Variants in KRT3 observed in about 807,000 individuals in gnomAD.
KRT3 encodes keratin, type II cytoskeletal 3.
Under a neutral mutation model 45.8 loss-of-function variants are expected in KRT3, and 34 were observed. That is an observed-to-expected ratio of 0.74 (90% CI 0.57 to 0.99). KRT3 has a LOEUF of 0.99. Ranked by LOEUF, KRT3 falls within the 50% of genes least tolerant of loss-of-function variation. KRT3 has a pLI of 0.00. For missense variants in KRT3, 828 were observed against 820.6 expected, an observed-to-expected ratio of 1.01 and a Z score of -0.11; for synonymous variants, 367 against 329.0, an observed-to-expected ratio of 1.12 and a Z score of -1.25.
In KRT3 at chr12:52,795,398, C is replaced by T. The variant is rs187803154; in HGVS notation, c.645G>A (p.Lys215=). The change falls in exon 1 of 9, where the codon AAG becomes AAA. Residue 215 remains lysine, a splice_region_variant and synonymous_variant. Coordinates refer to ENST00000417996, the MANE Select transcript of KRT3 (RefSeq NM_057088.3). ...LNNKFASFID[K]VRFLEQQNKV... ...GGATGACCAGTCAAAGCTTCATTAC[C>T]TTGTCAATGAAGGAGGCAAACTTGT... 4.3e-5 allele frequency: 70 copies of T among 1,614,194 alleles called. 1 individual carries two copies. In the East Asian group the frequency reaches 5.8e-4, roughly 13 times the overall value.
intron 1 of KRT3, among the ~76,000 whole-genome samples, 185 bp downstream of exon 1, chr12:52,795,213 C>T (rs569359490): frequency 1.3e-5 from 2 of 152,290 alleles, no homozygotes; most frequent in Admixed American, 6.5e-5. Context: ...TTTCTTTCTA[C>T]ACCTCCCCTC....
chr12:52,790,463 G>T, intron 8 of KRT3, 105 bp from the exon 9 acceptor site: 1 of 1,141,158 alleles, frequency 8.8e-7, no homozygotes. Context: ...GCTGATCAAG[G>T]CAGCTTTGCA....
chr12:52,791,072 G>A (rs970146644), intron 7 of KRT3, 134 bp downstream of exon 7: 5 of 1,421,478 alleles, frequency 3.5e-6, no homozygotes, highest in Admixed American at 3.8e-5. Flanking sequence ...GGAGTGGGCT[G>A]GTAGAGGCAA....
chr12:52,795,613 C>A lies in KRT3; in HGVS notation c.430G>T (p.Gly144Cys). 3 of 1,591,340 alleles carry A rather than the reference C, an allele frequency of 1.9e-6. No homozygotes were observed. The highest frequency in any genetic ancestry group is 2.6e-6 in the Non-Finnish European group (3 of 1,169,264). ...GGCCCACCAAAGCCACCAGACCCACCAAAGCCACCAGGACCACCAAAGCCA... is the reference window on the plus strand; with the variant it reads ...GGCCCACCAAAGCCACCAGACCCACAAAAGCCACCAGGACCACCAAAGCCA... The part of the protein sequence containing the change: ...AGGFGGPGGF[G>C]GSGGFGGPGS... Residue 144 changes from glycine (G) to cysteine (C), a missense_variant, in exon 1 of 9, where the codon GGT becomes TGT. Physicochemically the swap from Gly to Cys is radical, Grantham distance 159. Transcript: ENST00000417996.
In KRT3 at chr12:52,795,694, C is replaced by T; in HGVS notation, c.349G>A (p.Gly117Ser). 1.2e-6 allele frequency: 2 copies of T among 1,611,532 alleles called. No homozygotes were observed. The highest frequency in any genetic ancestry group is 1.7e-6 in the Non-Finnish European group (2 of 1,179,344). Reference sequence around the variant, plus strand: ...AAGCCACCAGCTCCACCAAAGCCACCTCCCATTCCTCTGCCACCACCAAAG... The same window carrying T: ...AAGCCACCAGCTCCACCAAAGCCACTTCCCATTCCTCTGCCACCACCAAAG... ...GGFGGGRGMG[G>S]GFGGAGGFGG... The change falls in exon 1 of 9, where the codon GGT becomes AGT. Residue 117 changes from glycine (G) to serine (S), a missense_variant. Transcript: ENST00000417996.
In KRT3 at chr12:52,790,299, C is replaced by T. The variant is rs184297044; in HGVS notation, c.1630G>A (p.Gly544Arg). 69 of 1,567,052 alleles carry T rather than the reference C, an allele frequency of 4.4e-5. No homozygotes were observed. The Admixed American group carries it at 8.8e-4, about 20-fold the overall frequency. The change falls in exon 9 of 9, where the codon GGA becomes AGA. Residue 544 changes from glycine to arginine, a missense_variant. Coordinates refer to ENST00000417996, the MANE Select transcript of KRT3 (RefSeq NM_057088.3). ...SAGGYGGGYG[G>R]GMGGGLGGGF... is the part of the protein sequence containing the mutation. Reference sequence around the variant, plus strand: ...CCTCCTAAACCACCGCCCATGCCTCCGCCGTAACCTCCTCCATAGCCACCT... The same window carrying T: ...CCTCCTAAACCACCGCCCATGCCTCTGCCGTAACCTCCTCCATAGCCACCT...
rs745776578 is a variant in KRT3 at position 52,794,179 on chromosome 12, G to T, written c.798C>A (p.Leu266=). The T allele has an allele frequency of 6.2e-7, 1 of 1,614,168 alleles. No individual in the cohort carries two copies. Among genetic ancestry groups the T allele is most frequent in the East Asian group, 2.2e-5 (1 of 44,882 alleles). The change falls in exon 2 of 9, where the codon CTC becomes CTA. Residue 266 remains leucine, a synonymous_variant. Coordinates refer to ENST00000417996, the MANE Select transcript of KRT3 (RefSeq NM_057088.3). The part of the protein sequence containing the change: ...NYLRSYLDNI[L]GERGRLDSEL... ...CAGAGTCCAGGCGCCCTCTCTCCCC[G>T]AGGATGTTGTCCAGGTAGCTCCGCA...
At chr12:52,793,338 T>G in intron 2 of KRT3, 115 bp from the exon 3 acceptor site, 2 of 690,436 alleles carry the variant, frequency 2.9e-6, no homozygotes, top group African/African-American at 3.5e-5. Context: ...ATCCTGCCCC[T>G]CTCAGATGAG....
rs763264652 is a variant in KRT3 at position 52,791,809 on chromosome 12, TCCC to T, written c.1193_1195del (p.Gly398del). On this transcript the variant is annotated inframe_deletion, in exon 6 of 9. Transcript: ENST00000417996. The stretch of plus-strand genomic sequence containing the variant: ...ATGCCTGCCAGCCGTGGTCTGCAGC[TCCC>T]CCAACTGCAGAACAGAAGGGAAGAT... The T allele has an allele frequency of 8.7e-6, 14 of 1,613,886 alleles. No individual in the cohort carries two copies. Among genetic ancestry groups the T allele is most frequent in the Non-Finnish European group, 1.2e-5 (14 of 1,179,868 alleles).
chr12:52,791,580 T>C, intron 6 of KRT3, 111 bp downstream of exon 6: 1 of 1,503,340 alleles, frequency 6.7e-7, no homozygotes, highest in South Asian at 1.2e-5. Flanking sequence ...GCCCTGTGGG[T>C]CAGCCAGCCT....
In KRT3 at chr12:52,791,189, C is replaced by G. The variant is rs778426188; in HGVS notation, c.1535+17G>C. The G allele has an allele frequency of 6.2e-7, 1 of 1,614,056 alleles. No individual in the cohort carries two copies. The highest frequency in any genetic ancestry group is 8.5e-7 in the Non-Finnish European group (1 of 1,180,024). On this transcript the variant is annotated intron_variant, in intron 7 of 8. Coordinates refer to ENST00000417996, the MANE Select transcript of KRT3 (RefSeq NM_057088.3). The stretch of plus-strand genomic sequence containing the variant: ...ACTTGAGCCAGGGGGTGTGGGAAGA[C>G]GGGACTGGAGGCTCACCTGTACTCC...
At chr12:52,791,530 C>T (rs906155516) in intron 6 of KRT3, 104 bp from the exon 7 acceptor site, 14 of 1,435,892 alleles carry the variant, frequency 9.8e-6, no homozygotes, top group Non-Finnish European at 1.3e-5. Context: ...CATTCCTCCT[C>T]CCCTAGTGCC....
Position 52,795,799 on chromosome 12 carries a change from C to G in KRT3, c.244G>C (p.Gly82Arg). The change falls in exon 1 of 9, where the codon GGA becomes CGA. Residue 82 changes from glycine (G) to arginine (R), a missense_variant. Transcript: ENST00000417996. Reference protein sequence around the residue: ...AGGSRAGGFGGGRSSCAFAGG... With the variant: ...AGGSRAGGFGRGRSSCAFAGG... Reference sequence around the variant, plus strand: ...GCAAAGGCACAGCTGCTCCGCCCTCCCCCAAAGCCTCCAGCCCGGGAGCCG... The same window carrying G: ...GCAAAGGCACAGCTGCTCCGCCCTCGCCCAAAGCCTCCAGCCCGGGAGCCG... The G allele has an allele frequency of 6.2e-7, 1 of 1,614,052 alleles. No individual in the cohort carries two copies.
intron 5 of KRT3, among the ~76,000 whole-genome samples, chr12:52,792,017 G>A (rs1044429045): frequency 6.6e-6 from 1 of 152,190 alleles, no homozygotes; most frequent in Non-Finnish European, 1.5e-5. Flanking sequence ...TTCCTACCCT[G>A]TAGTTCCTGA....
At chr12:52,791,659 A>T in intron 6 of KRT3, 32 bp downstream of exon 6, 2 of 1,613,710 alleles carry the variant, frequency 1.2e-6, no homozygotes, top group Non-Finnish European at 1.7e-6. Context: ...CTCAGCAATC[A>T]TCCCAGGTGC....
At position 52,791,548 on chromosome 12, in the gene KRT3, T is replaced by C. The variant is rs566845979; in HGVS notation, c.1315-122A>G. 37 of 1,428,812 alleles carry C rather than the reference T, an allele frequency of 2.6e-5. 1 individual carries two copies. The South Asian group carries it at 4.8e-4, about 18-fold the overall frequency. 88.5% of individuals were successfully genotyped at this position (1,428,812 alleles called of 1,614,324 possible). ...TCCTCCTCCCCTAGTGCCTCCATCT[T>C]GTCTCCATTTGTGGAGATACTGCCC... On this transcript the variant is annotated intron_variant, in intron 6 of 8. Transcript: ENST00000417996.
chr12:52,790,276 T>A lies in KRT3; in HGVS notation c.1653A>T (p.Gly551=). 3 of 1,553,744 alleles carry A rather than the reference T, an allele frequency of 1.9e-6. No individual in the cohort carries two copies. The highest frequency in any genetic ancestry group is 2.6e-6 in the Non-Finnish European group (3 of 1,148,506). ...AGCCGCCGCCCGCACTGAAGCCACCTCCTAAACCACCGCCCATGCCTCCGC... is the reference window on the plus strand; with the variant it reads ...AGCCGCCGCCCGCACTGAAGCCACCACCTAAACCACCGCCCATGCCTCCGC... ...GYGGGMGGGL[G]GGFSAGGGSG... is the part of the protein sequence containing the mutation. Residue 551 remains glycine, a synonymous_variant, in exon 9 of 9, where the codon GGA becomes GGT. Transcript: ENST00000417996.
chr12:52,793,264 G>C lies in KRT3; in HGVS notation c.867-41C>G, dbSNP rs373217122. On this transcript the variant is annotated intron_variant, in intron 2 of 8. Coordinates refer to ENST00000417996, the MANE Select transcript of KRT3 (RefSeq NM_057088.3). ...AGAAACAGCTGAGTTTGGTTTTGAGGTCATCGTAAACACCATTGTTCCCTG... is the reference window on the plus strand; with the variant it reads ...AGAAACAGCTGAGTTTGGTTTTGAGCTCATCGTAAACACCATTGTTCCCTG... 4 of 1,443,738 alleles carry C rather than the reference G, an allele frequency of 2.8e-6. No homozygotes were observed. In the African/African-American group the frequency reaches 4.2e-5, roughly 15 times the overall value. 89.4% of individuals were successfully genotyped at this position (1,443,738 alleles called of 1,614,324 possible). A position where few individuals can be genotyped will look rare whatever the true frequency, so the allele number is the denominator to read the frequency against.
chr12:52,793,880 C>A (rs1224543188), intron 2 of KRT3, among the ~76,000 whole-genome samples: 4 of 152,206 alleles, frequency 2.6e-5, no homozygotes, highest in Non-Finnish European at 5.9e-5. Flanking sequence ...GCATGAGCCA[C>A]CAAGCCCAGC....
Sources: gnomAD v4.1 joint callset for allele counts (sites outside exome capture counted in the v4.1 genomes callset) on GRCh38, gnomAD v4.1.1 for gene constraint, MANE v1.5 for transcripts, NCBI Gene and HGNC (gene_info 2026-07-23, HGNC 2026-07-21) for gene names.